Variants in TTC7A observed in about 807,000 individuals in gnomAD.
TTC7A encodes the protein tetratricopeptide repeat protein 7A.
In TTC7A, 110 loss-of-function variants were observed where a neutral mutation model predicts 103.7. The ratio of observed to expected loss-of-function variants is 1.06; its 90% CI spans 0.91 to 1.24. The LOEUF (loss-of-function observed/expected upper bound fraction) is 1.24. Ranked by LOEUF, TTC7A falls within the 50% of genes most tolerant of loss-of-function variation. TTC7A has a pLI of 0.00. For synonymous variants in TTC7A, 521 were observed against 467.9 expected, an observed-to-expected ratio of 1.11 and a Z score of -1.47; for missense variants, 1,340 against 1,116.3, an observed-to-expected ratio of 1.20 and a Z score of -2.86.
chr2:46,956,222 C>T (rs1671840049), intron 2 of TTC7A, among the ~76,000 whole-genome samples: 1 of 152,164 alleles, frequency 6.6e-6, no homozygotes, highest in African/African-American at 2.4e-5. Context: ...TTAAATTCAG[C>T]CACTCTTGGC....
intron 13 of TTC7A, among the ~76,000 whole-genome samples, chr2:47,023,706 T>C (rs986636344): frequency 6.6e-6 from 1 of 152,102 alleles, no homozygotes; most frequent in African/African-American, 2.4e-5. Flanking sequence ...CTCCCAGGGC[T>C]CAGGGGTCTA....
intron 17 of TTC7A, 38 bp downstream of exon 17, chr2:47,050,084 C>T (rs779891770): frequency 6.7e-7 from 1 of 1,497,672 alleles, no homozygotes; most frequent in South Asian, 1.1e-5. Flanking sequence ...GTGCATGGAC[C>T]CACAGCTCAC....
At chr2:46,962,021 CA>C (rs1275111885) in intron 3 of TTC7A, among the ~76,000 whole-genome samples, 1 of 152,222 alleles carries the variant, frequency 6.6e-6, no homozygotes, top group East Asian at 1.9e-4. Flanking sequence ...TCCATGTGCT[CA>C]TGGCTGTGAG....
At position 46,993,434 on chromosome 2, in the gene TTC7A, G is replaced by T. The variant is rs1475242587; in HGVS notation, c.765-16G>T. The T allele has an allele frequency of 6.2e-7, 1 of 1,613,952 alleles. No homozygotes were observed. Among genetic ancestry groups the T allele is most frequent in the South Asian group, 1.1e-5 (1 of 91,072 alleles). ...CTAGGCTGGTAACAAATCTACTTCT[G>T]CCGTCCTCCCACCAGGAACATCGTG... On this transcript the variant is annotated splice_polypyrimidine_tract_variant and intron_variant, in intron 5 of 19. Coordinates refer to ENST00000319190, the MANE Select transcript of TTC7A (RefSeq NM_020458.4).
chr2:47,012,505 G>C (rs1375005937), intron 11 of TTC7A, among the ~76,000 whole-genome samples: 2 of 152,216 alleles, frequency 1.3e-5, no homozygotes, highest in African/African-American at 4.8e-5. Flanking sequence ...TGTGTGCCCA[G>C]CTTGTTTTAA....
chr2:46,987,816 G>GTC lies in TTC7A; in HGVS notation c.765-5633_765-5632insCT, dbSNP rs201615471. 3.1e-3 allele frequency among the ~76,000 whole-genome samples: 437 copies of GTC among 142,874 alleles called. 3 individuals carry two copies. Among genetic ancestry groups the GTC allele is most frequent in the African/African-American group, 0.011 (406 of 37,210 alleles). 93.7% of individuals were successfully genotyped at this position (142,874 alleles called of 152,430 possible). On this transcript the variant is annotated intron_variant, in intron 5 of 19. Coordinates refer to ENST00000319190, the MANE Select transcript of TTC7A (RefSeq NM_020458.4). ...GCACTGTCCCTTTCCGCGCGTGTGTGTGTGTGTGTGTGTGTGTGTGTGTGT... is the reference window on the plus strand; with the variant it reads ...GCACTGTCCCTTTCCGCGCGTGTGTGTCTGTGTGTGTGTGTGTGTGTGTGTGT...
upstream of TTC7A, among the ~76,000 whole-genome samples, chr2:46,937,886 G>C (rs1670059935): frequency 1.3e-5 from 2 of 152,144 alleles, no homozygotes; most frequent in Non-Finnish European, 2.9e-5. This position sits in a 1 kb window ranked among gnomAD's most constrained non-coding sequence, Gnocchi z 4.0. Context: ...CAAGAGAGAA[G>C]TCTGTTCAGC....
At chr2:46,919,297 G>A (rs1179392025) in intron 2 of TTC7A, among the ~76,000 whole-genome samples, 1 of 152,264 alleles carries the variant, frequency 6.6e-6, no homozygotes, top group Non-Finnish European at 1.5e-5. Context: ...CACTTTGGGA[G>A]GCCGAGGCGG....
At chr2:46,941,056 G>GGC (rs1670293302), upstream of TTC7A, 1 of 151,106 alleles carries the variant, frequency 6.6e-6, no homozygotes, top group African/African-American at 2.4e-5. This position sits in a 1 kb window ranked among gnomAD's most constrained non-coding sequence, Gnocchi z 4.2. Context: ...CGGCGGCGGG[G>GGC]GGCGGGTACC....
chr2:47,009,886 GT>G (rs34401578), intron 10 of TTC7A, among the ~76,000 whole-genome samples: 1,386 of 93,386 alleles, frequency 0.015, 22 homozygotes, highest in East Asian at 0.061. Context: ...GTGTGTGTGT[GT>G]TTTTTTTTTT....
chr2:46,967,346 C>T (rs1278437544), intron 3 of TTC7A, among the ~76,000 whole-genome samples: 1 of 152,214 alleles, frequency 6.6e-6, no homozygotes, highest in Non-Finnish European at 1.5e-5. Flanking sequence ...TATTGTGCAA[C>T]CAGTCTCCAG....
At chr2:46,974,137 A>T (rs1673628596) in intron 3 of TTC7A, among the ~76,000 whole-genome samples, 1 of 152,258 alleles carries the variant, frequency 6.6e-6, no homozygotes, top group Non-Finnish European at 1.5e-5. Flanking sequence ...AGTCCAATTA[A>T]CAAGAGCGAG....
chr2:46,948,525 C>T (rs186601169), intron 1 of TTC7A, among the ~76,000 whole-genome samples: 1 of 152,234 alleles, frequency 6.6e-6, no homozygotes, highest in Admixed American at 6.5e-5. Flanking sequence ...GCCTTCAGAA[C>T]GAAACCCCCC....
intron 2 of TTC7A, among the ~76,000 whole-genome samples, chr2:46,955,255 C>G (rs1347480345): frequency 6.6e-6 from 1 of 152,182 alleles, no homozygotes; most frequent in African/African-American, 2.4e-5. Context: ...TGGCTTGAGA[C>G]CAGTGCAGGG....
chr2:47,070,519 C>T (rs1422849618), intron 19 of TTC7A, among the ~76,000 whole-genome samples: 9 of 152,182 alleles, frequency 5.9e-5, no homozygotes, highest in Non-Finnish European at 1.3e-4. Context: ...GAGGCTGGGG[C>T]GCTGTCCCTC....
chr2:46,950,669 T>C (rs1295766745), intron 2 of TTC7A, 143 bp downstream of exon 2: 9 of 821,220 alleles, frequency 1.1e-5, no homozygotes, highest in African/African-American at 3.4e-5. Context: ...AGCCACTGGC[T>C]GCACATGGCC....
At position 47,074,006 on chromosome 2, in the gene TTC7A, A is replaced by G. The variant is rs941612243; in HGVS notation, c.*83A>G. 3.2e-5 allele frequency: 35 copies of G among 1,102,390 alleles called. No homozygotes were observed. In the African/African-American group the frequency reaches 3.4e-4, roughly 11 times the overall value. The allele number at this position is 1,102,390 out of a possible 1,614,324, so 68.3% of individuals were successfully genotyped here. A position where few individuals can be genotyped will look rare whatever the true frequency, so the allele number is the denominator to read the frequency against. On this transcript the variant is annotated 3_prime_UTR_variant, in exon 20 of 20. Coordinates refer to ENST00000319190, the MANE Select transcript of TTC7A (RefSeq NM_020458.4). The stretch of plus-strand genomic sequence containing the variant: ...TGGGTCAGGGTGGGGCAACAGTGGC[A>G]TCAGGTGCGGGGCCTCAGGGAAATA...
chr2:47,066,798 C>A lies in TTC7A; in HGVS notation c.2355+5827C>A, dbSNP rs115337230. Among the ~76,000 whole-genome samples, 731 of 152,326 alleles carry A rather than the reference C, an allele frequency of 4.8e-3. 2 individuals are homozygous for A. Among genetic ancestry groups the A allele is most frequent in the Middle Eastern group, 0.014 (4 of 294 alleles). ...CTTGAACTCCTGGGCTCAAGGAATC[C>A]TTCCGCCTCAGCCTCCAAAAGTGCT... On this transcript the variant is annotated intron_variant, in intron 19 of 19. Coordinates refer to ENST00000319190, the MANE Select transcript of TTC7A (RefSeq NM_020458.4).
At chr2:47,013,721 A>C (rs1316431097) in intron 11 of TTC7A, among the ~76,000 whole-genome samples, 1 of 152,268 alleles carries the variant, frequency 6.6e-6, no homozygotes, top group African/African-American at 2.4e-5. Context: ...AAATCAGTCC[A>C]AATTGAAATC....
Sources: gnomAD v4.1 joint callset for allele counts (sites outside exome capture counted in the v4.1 genomes callset) on GRCh38, gnomAD v4.1.1 for gene constraint, Gnocchi (gnomAD v3.1) non-coding constraint, MANE v1.5 for transcripts, NCBI Gene and HGNC (gene_info 2026-07-23, HGNC 2026-07-21) for gene names.